The following RTKN variants were observed in gnomAD, a reference collection of about 807,000 sequenced individuals.
RTKN encodes rhotekin.
RTKN carries 49 observed loss-of-function variants against 63.5 expected under a neutral mutation model. The ratio of observed to expected loss-of-function variants is 0.77; its 90% CI spans 0.61 to 0.98. The LOEUF is 0.98. RTKN is among the 50% of genes least tolerant of loss of function. RTKN has a pLI of 0.00. For missense variants in RTKN, 685 were observed against 740.8 expected, an observed-to-expected ratio of 0.92 and a Z score of 0.87; for synonymous variants, 295 against 290.4, an observed-to-expected ratio of 1.02 and a Z score of -0.16.
In RTKN at chr2:74,426,418, T is replaced by G. The variant is rs771787157; in HGVS notation, c.1517A>C (p.Asp506Ala). 1 of 1,612,128 alleles carries G rather than the reference T, an allele frequency of 6.2e-7. No individual in the cohort carries two copies. Among genetic ancestry groups the G allele is most frequent in the Non-Finnish European group, 8.5e-7 (1 of 1,179,300 alleles). ...CCCCCAGGGCAGGGGGTGGGTCCAG[T>G]CTGGGGCTGGGGCCACTGAGGCAGG... is the stretch of plus-strand genomic sequence containing the variant. ...CSPASVAPAP[D>A]WTHPLPWGRP... Residue 506 changes from aspartate (D) to alanine (A), a missense_variant, in exon 12 of 12, where the codon GAC (aspartate) becomes GCC (alanine). By Grantham distance (126) the Asp-to-Ala change is moderately radical (BLOSUM62 -2). Coordinates refer to ENST00000272430, the MANE Select transcript of RTKN (RefSeq NM_001015055.2).
chr2:74,426,868 A>G lies in RTKN; in HGVS notation c.1361-294T>C, dbSNP rs116991004. On this transcript the variant is annotated intron_variant, in intron 11 of 11. Transcript: ENST00000272430. ...AAATGAAAGCGGTGCCAGGCAAGTG[A>G]GGGGTCAGAAGAAGAGACAGGAATC... 3,411 of 1,344,370 alleles carry G rather than the reference A, an allele frequency of 2.5e-3. 85 individuals are homozygous for G. In the East Asian group the frequency reaches 0.057, roughly 23 times the overall value. The allele number at this position is 1,344,370 out of a possible 1,614,324, so 83.3% of individuals were successfully genotyped here. A position where few individuals can be genotyped will look rare whatever the true frequency, so the allele number is the denominator to read the frequency against.
chr2:74,439,611 T>A (rs773080688), intron 1 of RTKN: 9 of 1,613,918 alleles, frequency 5.6e-6, no homozygotes, highest in Admixed American at 1.7e-5. Context: ...GGATGTGCAA[T>A]CTGTCCTGCA....
chr2:74,436,456 C>T lies in RTKN; in HGVS notation c.112-3790G>A, dbSNP rs962882397. ...CTGGGCTTGGCTCAAGGCGGTGCCT[C>T]CACCGAGACTCCATCGCGGCGGGAC... On this transcript the variant is annotated intron_variant, in intron 1 of 11. Coordinates refer to ENST00000272430, the MANE Select transcript of RTKN (RefSeq NM_001015055.2). This position sits in a 1 kb window ranked among gnomAD's most constrained non-coding sequence, Gnocchi z 4.3. 2.0e-5 allele frequency among the ~76,000 whole-genome samples: 3 copies of T among 152,172 alleles called. No individual in the cohort carries two copies. The highest frequency in any genetic ancestry group is 7.2e-5 in the African/African-American group (3 of 41,444).
At chr2:74,439,602 G>T (rs1441405038) in intron 1 of RTKN, 1 of 1,614,118 alleles carries the variant, frequency 6.2e-7, no homozygotes, top group South Asian at 1.1e-5. Flanking sequence ...GGTCCTCCAG[G>T]ATGTGCAATC....
intron 1 of RTKN, 42 bp from the exon 2 acceptor site, chr2:74,432,708 A>G (rs1670828020): frequency 6.3e-7 from 1 of 1,591,814 alleles, no homozygotes; most frequent in Non-Finnish European, 8.6e-7. Context: ...AATGTCAGTC[A>G]GTGGACAGGC....
Position 74,426,414 on chromosome 2 carries a change from C to G in RTKN, c.1521G>C (p.Trp507Cys). Residue 507 changes from tryptophan to cysteine, a missense_variant, in exon 12 of 12, where the codon TGG (tryptophan) becomes TGC (cysteine). Coordinates refer to ENST00000272430, the MANE Select transcript of RTKN (RefSeq NM_001015055.2). ...GTCTCCCCCAGGGCAGGGGGTGGGT[C>G]CAGTCTGGGGCTGGGGCCACTGAGG... ...SPASVAPAPD[W>C]THPLPWGRPR... 1 of 1,612,166 alleles carries G rather than the reference C, an allele frequency of 6.2e-7. No homozygotes were observed. Among genetic ancestry groups the G allele is most frequent in the Non-Finnish European group, 8.5e-7 (1 of 1,179,252 alleles).
At chr2:74,430,551 G>A (rs770933610) in intron 3 of RTKN, 33 bp from the exon 4 acceptor site, 4 of 1,613,850 alleles carry the variant, frequency 2.5e-6, no homozygotes, top group South Asian at 1.1e-5. Context: ...TAGATGTTGA[G>A]ATGGGGCAGG....
chr2:74,426,214 G>A lies in RTKN; in HGVS notation c.*29C>T. 1.3e-6 allele frequency: 2 copies of A among 1,597,312 alleles called. No homozygotes were observed. The highest frequency in any genetic ancestry group is 1.7e-6 in the Non-Finnish European group (2 of 1,165,792). ...TGCGCATGGGTCATTTTCTCTTCTG[G>A]GCAGATCCTATGCCAGCACCTTTCT... On this transcript the variant is annotated 3_prime_UTR_variant, in exon 12 of 12. Coordinates refer to ENST00000272430, the MANE Select transcript of RTKN (RefSeq NM_001015055.2).
At chr2:74,427,660 A>G in intron 9 of RTKN, 68 bp from the exon 10 acceptor site, 1 of 1,506,904 alleles carries the variant, frequency 6.6e-7, no homozygotes, top group Non-Finnish European at 9.1e-7. Context: ...AGCCTTGATC[A>G]CGCCTGCCTT....
chr2:74,427,805 C>A, intron 9 of RTKN: 1 of 568,862 alleles, frequency 1.8e-6, no homozygotes, highest in Non-Finnish European at 3.1e-6. Flanking sequence ...CAGCTTGAGA[C>A]AGGGAAAAAG....
intron 8 of RTKN, 92 bp from the exon 9 acceptor site, chr2:74,428,488 C>G: frequency 1.2e-6 from 2 of 1,603,382 alleles, no homozygotes; most frequent in Non-Finnish European, 1.7e-6. Context: ...TTTTGTCCAC[C>G]CTGCTGTCCA....
intron 9 of RTKN, 163 bp from the exon 10 acceptor site, chr2:74,427,755 TG>T: frequency 1.5e-6 from 1 of 683,946 alleles, no homozygotes; most frequent in Non-Finnish European, 2.4e-6. Flanking sequence ...AAAAAAGGGC[TG>T]GGGATGAGAC....
intron 9 of RTKN, 172 bp downstream of exon 9, chr2:74,428,094 TCA>T (rs1558539488): frequency 1.3e-6 from 1 of 748,752 alleles, no homozygotes; most frequent in Non-Finnish European, 2.2e-6. Flanking sequence ...GACGATCCTC[TCA>T]CAGTGATGCT....
intron 1 of RTKN, chr2:74,440,270 T>C (rs948342860): frequency 1.1e-5 from 9 of 784,650 alleles, no homozygotes; most frequent in Admixed American, 6.1e-5. Context: ...AAGGGGTGAG[T>C]TGGCAAAGCA....
chr2:74,426,902 GA>G (rs781377351), intron 11 of RTKN: 224 of 1,359,158 alleles, frequency 1.6e-4, no homozygotes, highest in Middle Eastern at 2.7e-4. Flanking sequence ...TCCACATGCA[GA>G]AAGGGAAACA....
In RTKN at chr2:74,436,898, C is replaced by T. The variant is rs773091812; in HGVS notation, c.112-4232G>A. On this transcript the variant is annotated intron_variant, in intron 1 of 11. Coordinates refer to ENST00000272430, the MANE Select transcript of RTKN (RefSeq NM_001015055.2). The surrounding 1 kb of genome is among the most constrained non-coding windows in gnomAD (Gnocchi z 4.3). The stretch of plus-strand genomic sequence containing the variant: ...TGCCCCCTCCCCACCCAAACACACC[C>T]TCTCCCCAAGCGGGCAGCATTTCCC... Among the ~76,000 whole-genome samples the T allele has an allele frequency of 6.6e-6, 1 of 152,204 alleles. No individual in the cohort carries two copies. Among genetic ancestry groups the T allele is most frequent in the Non-Finnish European group, 1.5e-5 (1 of 68,026 alleles).
rs372468955 is a variant in RTKN at position 74,426,325 on chromosome 2, G to A, written c.1610C>T (p.Pro537Leu). ...CCGTGGGGATCGCTGAGGTGGGAGG[G>A]GGGCAACCGAGCGAGCCCTAGGGGA... The part of the protein sequence containing the change: ...DHSPRARSVA[P>L]LPPQRSPRTR... Residue 537 changes from proline to leucine, a missense_variant, in exon 12 of 12, where the codon CCC becomes CTC. Transcript: ENST00000272430. The A allele has an allele frequency of 2.5e-6, 4 of 1,613,656 alleles. No homozygotes were observed. The African/African-American group carries it at 5.3e-5, about 22-fold the overall frequency.
intron 7 of RTKN, 24 bp downstream of exon 7, chr2:74,428,823 GT>G: frequency 6.2e-7 from 1 of 1,608,694 alleles, no homozygotes. Flanking sequence ...ACATGTGTAT[GT>G]CCCCCATGCA....
rs769052248 is a variant in RTKN at position 74,432,503 on chromosome 2, C to T, written c.275G>A (p.Arg92His). 13 of 1,612,716 alleles carry T rather than the reference C, an allele frequency of 8.1e-6. No individual in the cohort carries two copies. The highest frequency in any genetic ancestry group is 3.3e-5 in the South Asian group (3 of 91,074). ...ILSYMGELQRRKEAQVLGKTS... is the reference protein window; with the variant it reads ...ILSYMGELQRHKEAQVLGKTS... ...CTTCCCCAGCACCTGCGCCTCCTTG[C>T]GCCGCTGCAGCTCGCCCATGTAGCT... Residue 92 changes from arginine (R) to histidine (H), a missense_variant, in exon 2 of 12, where the codon CGC (arginine) becomes CAC (histidine). Physicochemically the swap from Arg to His is conservative, Grantham distance 29 (BLOSUM62 0). Coordinates refer to ENST00000272430, the MANE Select transcript of RTKN (RefSeq NM_001015055.2).
Sources: gnomAD v4.1 joint callset for allele counts (sites outside exome capture counted in the v4.1 genomes callset) on GRCh38, gnomAD v4.1.1 for gene constraint, Gnocchi (gnomAD v3.1) non-coding constraint, MANE v1.5 for transcripts, NCBI Gene and HGNC (gene_info 2026-07-23, HGNC 2026-07-21) for gene names.